Variants in FGGY observed in about 807,000 individuals in gnomAD.
FGGY encodes FGGY carbohydrate kinase domain-containing protein.
In FGGY, 72 loss-of-function variants were observed where a neutral mutation model predicts 71.3. The ratio of observed to expected loss-of-function variants is 1.01; its 90% CI spans 0.84 to 1.23. FGGY has a LOEUF of 1.23. Ranked by LOEUF, FGGY falls within the 50% of genes most tolerant of loss-of-function variation. The pLI is 0.00. For missense variants in FGGY, 668 were observed against 682.3 expected (o/e 0.98, Z 0.23); for synonymous variants, 251 against 250.3 (o/e 1.00, Z -0.02).
chr1:59,447,957 C>T (rs1381216681), intron 5 of FGGY, among the ~76,000 whole-genome samples: 1 of 152,102 alleles, frequency 6.6e-6, no homozygotes, highest in Non-Finnish European at 1.5e-5. Flanking sequence ...CTAATTACTT[C>T]CTAAACATAC....
chr1:59,388,566 C>T (rs932713187), intron 5 of FGGY, among the ~76,000 whole-genome samples: 1 of 152,116 alleles, frequency 6.6e-6, no homozygotes, highest in African/African-American at 2.4e-5. Flanking sequence ...GTGGTGACTA[C>T]AGTCCACATC....
chr1:59,734,145 T>C (rs1017589054), intron 14 of FGGY, among the ~76,000 whole-genome samples: 1 of 152,182 alleles, frequency 6.6e-6, no homozygotes, highest in Non-Finnish European at 1.5e-5. Context: ...TCAGTTTTCT[T>C]TTCTTTTTCT....
intron 12 of FGGY, among the ~76,000 whole-genome samples, chr1:59,664,733 CAGA>C (rs2097308198): frequency 6.6e-6 from 1 of 152,156 alleles, no homozygotes; most frequent in African/African-American, 2.4e-5. Flanking sequence ...AGTTGATAAC[CAGA>C]AGAACTCTCC....
intron 3 of FGGY, among the ~76,000 whole-genome samples, chr1:59,344,976 G>C (rs76976600): frequency 0.015 from 2,296 of 152,224 alleles, 62 homozygotes; most frequent in African/African-American, 0.053. Context: ...TTTAAGAATT[G>C]ATTTATCTGT....
intron 5 of FGGY, among the ~76,000 whole-genome samples, chr1:59,397,737 G>A (rs988234570): frequency 2.6e-5 from 4 of 152,172 alleles, no homozygotes; most frequent in African/African-American, 9.7e-5. Context: ...AGTATACCCT[G>A]TATTAGTTTA....
chr1:59,595,791 G>A (rs1376817570), intron 8 of FGGY, among the ~76,000 whole-genome samples: 1 of 152,170 alleles, frequency 6.6e-6, no homozygotes, highest in Non-Finnish European at 1.5e-5. Context: ...TTGACAGACA[G>A]TTGCTTTTCT....
intron 7 of FGGY, among the ~76,000 whole-genome samples, chr1:59,530,008 C>T (rs2095096997): frequency 6.6e-6 from 1 of 152,116 alleles, no homozygotes; most frequent in Admixed American, 6.5e-5. Context: ...GATTTCATCT[C>T]ATATTTGGCA....
rs1448378891 is a variant in FGGY at position 59,555,422 on chromosome 1, C to T, written c.903+1195C>T. Among the ~76,000 whole-genome samples the T allele has an allele frequency of 2.0e-5, 3 of 152,184 alleles. No homozygotes were observed. In the East Asian group the frequency reaches 5.8e-4, roughly 29 times the overall value. On this transcript the variant is annotated intron_variant, in intron 8 of 15. Coordinates refer to ENST00000303721, the MANE Select transcript of FGGY (RefSeq NM_018291.5). ...ACTCTCTGGGTCCCAGATTCCTCATCTACAATATGTAGAGAGTGACAGCAC... is the reference window on the plus strand; with the variant it reads ...ACTCTCTGGGTCCCAGATTCCTCATTTACAATATGTAGAGAGTGACAGCAC...
intron 5 of FGGY, among the ~76,000 whole-genome samples, chr1:59,436,344 TC>T (rs994152305): frequency 1.3e-5 from 2 of 151,706 alleles, no homozygotes; most frequent in Admixed American, 6.6e-5. Flanking sequence ...TCAGTCCTCC[TC>T]CCCCCGCAAA....
At chr1:59,677,964 T>G (rs1442540576) in intron 14 of FGGY, among the ~76,000 whole-genome samples, 1 of 152,164 alleles carries the variant, frequency 6.6e-6, no homozygotes, top group Non-Finnish European at 1.5e-5. Flanking sequence ...GATACTGACA[T>G]AGCCATTCGT....
At chr1:59,592,973 AAG>A (rs2096472862) in intron 8 of FGGY, among the ~76,000 whole-genome samples, 1 of 152,190 alleles carries the variant, frequency 6.6e-6, no homozygotes, top group African/African-American at 2.4e-5. Flanking sequence ...AAAAAAATAA[AAG>A]AGAAATGCAT....
At chr1:59,684,758 A>T (rs1035111029) in intron 14 of FGGY, among the ~76,000 whole-genome samples, 1 of 152,186 alleles carries the variant, frequency 6.6e-6, no homozygotes, top group African/African-American at 2.4e-5. Flanking sequence ...CCTCACGGTG[A>T]TGCCATCTCC....
chr1:59,589,049 C>G (rs1246379840), intron 8 of FGGY, among the ~76,000 whole-genome samples: 2 of 152,132 alleles, frequency 1.3e-5, no homozygotes, highest in Non-Finnish European at 1.5e-5. Flanking sequence ...AAACCCAGCT[C>G]ACATGCAGAG....
At chr1:59,713,676 A>T (rs928273890) in intron 14 of FGGY, among the ~76,000 whole-genome samples, 1 of 152,204 alleles carries the variant, frequency 6.6e-6, no homozygotes, top group Non-Finnish European at 1.5e-5. Context: ...ATCAAATAAA[A>T]AGCTGACAAT....
intron 4 of FGGY, among the ~76,000 whole-genome samples, chr1:59,356,217 A>G (rs2054284662): frequency 6.6e-6 from 1 of 152,110 alleles, no homozygotes; most frequent in African/African-American, 2.4e-5. Context: ...GAATTTGTTC[A>G]AGGAATCTGT....
chr1:59,548,633 C>T (rs529602559), intron 7 of FGGY, among the ~76,000 whole-genome samples: 120 of 152,252 alleles, frequency 7.9e-4, no homozygotes, highest in South Asian at 1.7e-3. Context: ...CATGTTTTAA[C>T]CTGTACCGTT....
At chr1:59,689,519 C>T (rs1306968045) in intron 14 of FGGY, among the ~76,000 whole-genome samples, 1 of 151,902 alleles carries the variant, frequency 6.6e-6, no homozygotes, top group African/African-American at 2.4e-5. Context: ...TATCCTTTAA[C>T]TGTCTTTTAA....
chr1:59,640,898 AG>A (rs957584929), intron 11 of FGGY, among the ~76,000 whole-genome samples: 4 of 151,056 alleles, frequency 2.6e-5, no homozygotes, highest in African/African-American at 9.9e-5. Context: ...ATATAAGAGT[AG>A]CTAGACACAA....
chr1:59,674,051 T>A lies in FGGY; in HGVS notation c.1430T>A (p.Val477Asp). The change falls in exon 14 of 16, where the codon GTC (valine) becomes GAC (aspartate). Residue 477 changes from valine to aspartate, a missense_variant. By Grantham distance (152) the Val-to-Asp change is radical. Coordinates refer to ENST00000303721, the MANE Select transcript of FGGY (RefSeq NM_018291.5). ...TTGTCCTGCGCAGGCATGCCTGTGG[T>A]CCTGTCGCAAGAGGTGGAGTCCGTT... ...MHADITGMPV[V>D]LSQEVESVLV... 4.3e-6 allele frequency: 7 copies of A among 1,613,738 alleles called. No homozygotes were observed. The highest frequency in any genetic ancestry group is 4.5e-5 in the East Asian group (2 of 44,846).
Sources: gnomAD v4.1 joint callset for allele counts (sites outside exome capture counted in the v4.1 genomes callset) on GRCh38, gnomAD v4.1.1 for gene constraint, MANE v1.5 for transcripts, NCBI Gene and HGNC (gene_info 2026-07-23, HGNC 2026-07-21) for gene names.